SPRING1: variants seen among roughly 807,000 people sequenced by gnomAD.
SPRING1 encodes SREBP regulating gene protein.
Under a neutral mutation model 24.7 loss-of-function variants are expected in SPRING1, and 14 were observed. The observed-to-expected ratio is 0.57, with a 90% CI of 0.37 to 0.88. SPRING1 has a LOEUF of 0.88. Ranked by LOEUF, SPRING1 falls within the 40% of genes least tolerant of loss-of-function variation. SPRING1 has a pLI of 0.00. For missense variants in SPRING1, 255 were observed against 268.4 expected (o/e 0.95, Z 0.35); for synonymous variants, 93 against 106.1 (o/e 0.88, Z 0.76).
At chr12:116,737,270 C>T (rs1035394842) in intron 1 of SPRING1, among the ~76,000 whole-genome samples, 1 of 151,952 alleles carries the variant, frequency 6.6e-6, no homozygotes, top group Admixed American at 6.6e-5. Context: ...GCCCCGGCGG[C>T]GCCGCTGCAG....
chr12:116,717,619 G>A lies in SPRING1; in HGVS notation c.*191C>T. The A allele has an allele frequency of 1.9e-6, 1 of 527,838 alleles. No individual in the cohort carries two copies. Among genetic ancestry groups the A allele is most frequent in the East Asian group, 3.3e-5 (1 of 30,068 alleles). 32.7% of individuals were successfully genotyped at this position (527,838 alleles called of 1,614,324 possible). A position where few individuals can be genotyped will look rare whatever the true frequency, so the allele number is the denominator to read the frequency against. ...AGGGGCCAAGCTGCTTTACAGAAGA[G>A]TTCCATCTGGTAAGCCCGGGTGGTG... is the stretch of plus-strand genomic sequence containing the variant. On this transcript the variant is annotated 3_prime_UTR_variant, in exon 5 of 5. Coordinates refer to ENST00000261318, the MANE Select transcript of SPRING1 (RefSeq NM_024738.4). This position sits in a 1 kb window ranked among gnomAD's most constrained non-coding sequence, Gnocchi z 4.2.
chr12:116,734,118 C>G (rs1871119842), intron 1 of SPRING1, among the ~76,000 whole-genome samples: 1 of 152,192 alleles, frequency 6.6e-6, no homozygotes, highest in South Asian at 2.1e-4. Context: ...GTCAAGTGAT[C>G]TGCCTGCCTC....
chr12:116,734,427 C>T (rs1345482376), intron 1 of SPRING1, among the ~76,000 whole-genome samples: 4 of 152,078 alleles, frequency 2.6e-5, no homozygotes, highest in Non-Finnish European at 2.9e-5. Flanking sequence ...GATGATGTAT[C>T]AGGGTAGTGA....
chr12:116,714,794 C>CAAAAA lies in SPRING1; in HGVS notation c.*3011_*3015dup, dbSNP rs869130716. The CAAAAA allele has an allele frequency of 1.1e-4, 6 of 55,136 alleles. No individual in the cohort carries two copies. Among genetic ancestry groups the CAAAAA allele is most frequent in the African/African-American group, 1.6e-4 (2 of 12,832 alleles). 3.4% of individuals were successfully genotyped at this position (55,136 alleles called of 1,614,324 possible). Reference sequence around the variant, plus strand: ...TGAGCAACAGAGCAAGACTCCATCGCAAAAAAAAAAAAAAAAAAAAAAGGC... The same window carrying CAAAAA: ...TGAGCAACAGAGCAAGACTCCATCGCAAAAAAAAAAAAAAAAAAAAAAAAAAAGGC... On this transcript the variant is annotated 3_prime_UTR_variant, in exon 5 of 5. Transcript: ENST00000261318.
rs1870086652 is a variant in SPRING1, at chr12:116,715,562, CTT to C, written c.*2246_*2247del. The C allele has an allele frequency of 1.3e-5, 2 of 152,272 alleles. No homozygotes were observed. Among genetic ancestry groups the C allele is most frequent in the Non-Finnish European group, 2.9e-5 (2 of 68,070 alleles). The allele number at this position is 152,272 out of a possible 1,614,324, so 9.4% of individuals were successfully genotyped here. A position where few individuals can be genotyped will look rare whatever the true frequency, so the allele number is the denominator to read the frequency against. On this transcript the variant is annotated 3_prime_UTR_variant, in exon 5 of 5. Coordinates refer to ENST00000261318, the MANE Select transcript of SPRING1 (RefSeq NM_024738.4). ...ATATTCCACAGCCAAATGAAAATGA[CTT>C]TTGGATCCTCCACCTAATTTGGGTG...
At chr12:116,736,909 C>G (rs1004549404) in intron 1 of SPRING1, among the ~76,000 whole-genome samples, 2 of 152,174 alleles carry the variant, frequency 1.3e-5, no homozygotes, top group Non-Finnish European at 2.9e-5. Flanking sequence ...CAGGAGGACA[C>G]AGAGCCCCCA....
At chr12:116,719,706 GT>G in intron 4 of SPRING1, 56 bp downstream of exon 4, 1 of 1,443,992 alleles carries the variant, frequency 6.9e-7, no homozygotes, top group Non-Finnish European at 9.7e-7. Flanking sequence ...GTATTTTCTA[GT>G]TTCCTTCTAA....
At chr12:116,725,080 A>G (rs562171462) in intron 1 of SPRING1, among the ~76,000 whole-genome samples, 1 of 152,352 alleles carries the variant, frequency 6.6e-6, no homozygotes, top group South Asian at 2.1e-4. Flanking sequence ...GAGCTAAGAT[A>G]ATGGTATGGA....
chr12:116,737,522 AAGGAAGGAGGAGGAAGGTG>A (rs1208357530), intron 1 of SPRING1, among the ~76,000 whole-genome samples: 1 of 79,960 alleles, frequency 1.3e-5, no homozygotes, highest in Non-Finnish European at 2.7e-5. Context: ...AAGGGGGAGG[AAGGAAGGAGGAGGAAGGTG>A]AGGAAGGTAA....
rs1454915036 is a variant in SPRING1, at chr12:116,720,919, G to A, written c.269-472C>T. Reference sequence around the variant, plus strand: ...CACTCTTTACAAATATCTTTCAGATGCTCGCTGCATACTGACTAATTTGGA... The same window carrying A: ...CACTCTTTACAAATATCTTTCAGATACTCGCTGCATACTGACTAATTTGGA... On this transcript the variant is annotated intron_variant, in intron 2 of 4. Coordinates refer to ENST00000261318, the MANE Select transcript of SPRING1 (RefSeq NM_024738.4). This position sits in a 1 kb window ranked among gnomAD's most constrained non-coding sequence, Gnocchi z 4.0. Among the ~76,000 whole-genome samples, 4 of 152,202 alleles carry A rather than the reference G, an allele frequency of 2.6e-5. No homozygotes were observed.
At chr12:116,724,630 T>C (rs896266672) in intron 1 of SPRING1, among the ~76,000 whole-genome samples, 3 of 151,312 alleles carry the variant, frequency 2.0e-5, no homozygotes, top group African/African-American at 7.3e-5. Context: ...TGAGCCGAGA[T>C]CACACCACTG....
At position 116,732,667 on chromosome 12, in the gene SPRING1, A is replaced by G. The variant is rs1400542521; in HGVS notation, c.111+5123T>C. 3.9e-5 allele frequency among the ~76,000 whole-genome samples: 6 copies of G among 152,382 alleles called. No individual in the cohort carries two copies. The East Asian group carries it at 9.6e-4, about 24-fold the overall frequency. On this transcript the variant is annotated intron_variant, in intron 1 of 4. Coordinates refer to ENST00000261318, the MANE Select transcript of SPRING1 (RefSeq NM_024738.4). Reference sequence around the variant, plus strand: ...GGTTGCAGTGACCTGAGATTGCATCACTGCACTCCAGCCTGGGTGACAGAG... The same window carrying G: ...GGTTGCAGTGACCTGAGATTGCATCGCTGCACTCCAGCCTGGGTGACAGAG...
At chr12:116,730,456 A>G (rs1477864418) in intron 1 of SPRING1, among the ~76,000 whole-genome samples, 3 of 149,886 alleles carry the variant, frequency 2.0e-5, no homozygotes, top group African/African-American at 7.4e-5. Context: ...CACCCATCTC[A>G]GCCTCCCAAA....
intron 1 of SPRING1, among the ~76,000 whole-genome samples, chr12:116,737,002 C>G (rs1400251084): frequency 6.6e-6 from 1 of 152,206 alleles, no homozygotes; most frequent in Non-Finnish European, 1.5e-5. Flanking sequence ...TACTGGGAAC[C>G]CCACTTCTCC....
In SPRING1 at chr12:116,715,645, G is replaced by C. The variant is rs900413508; in HGVS notation, c.*2165C>G. ...GACAATTGAAATATATCTGCTCTCAGGGGAGACGCCCACGGTGTCAGGGCT... is the reference window on the plus strand; with the variant it reads ...GACAATTGAAATATATCTGCTCTCACGGGAGACGCCCACGGTGTCAGGGCT... On this transcript the variant is annotated 3_prime_UTR_variant, in exon 5 of 5. Transcript: ENST00000261318. 2 of 152,066 alleles carry C rather than the reference G, an allele frequency of 1.3e-5. No homozygotes were observed. The highest frequency in any genetic ancestry group is 4.8e-5 in the African/African-American group (2 of 41,310). The allele number at this position is 152,066 out of a possible 1,614,324, so 9.4% of individuals were successfully genotyped here. A position where few individuals can be genotyped will look rare whatever the true frequency, so the allele number is the denominator to read the frequency against.
intron 1 of SPRING1, among the ~76,000 whole-genome samples, chr12:116,725,343 G>A (rs1870630536): frequency 6.6e-6 from 1 of 152,092 alleles, no homozygotes; most frequent in Non-Finnish European, 1.5e-5. Flanking sequence ...GTTACCAGGT[G>A]GAAAAACAGT....
At position 116,738,011 on chromosome 12, in the gene SPRING1, G is replaced by T. The variant is rs910633237; in HGVS notation, c.-111C>A. 25 of 1,122,746 alleles carry T rather than the reference G, an allele frequency of 2.2e-5. No individual in the cohort carries two copies. In the East Asian group the frequency reaches 7.6e-4, roughly 34 times the overall value. The allele number at this position is 1,122,746 out of a possible 1,614,324, so 69.5% of individuals were successfully genotyped here. On this transcript the variant is annotated 5_prime_UTR_variant, in exon 1 of 5. Transcript: ENST00000261318. ...AGCCCCATCCCTCCAGGCAGGCGCCGGCCCCGCCGCCCGCAGCCCAGTCTG... is the reference window on the plus strand; with the variant it reads ...AGCCCCATCCCTCCAGGCAGGCGCCTGCCCCGCCGCCCGCAGCCCAGTCTG...
chr12:116,725,615 A>G (rs1010277456), intron 1 of SPRING1, among the ~76,000 whole-genome samples: 244 of 152,296 alleles, frequency 1.6e-3, no homozygotes, highest in Non-Finnish European at 2.8e-3. Flanking sequence ...GCCGGGCGCC[A>G]TGGCTCACAC....
intron 1 of SPRING1, among the ~76,000 whole-genome samples, chr12:116,724,467 G>C (rs1870588222): frequency 6.6e-6 from 1 of 152,186 alleles, no homozygotes; most frequent in South Asian, 2.1e-4. Flanking sequence ...TGTAATCCCA[G>C]CACTTTGGGG....
Sources: gnomAD v4.1 joint callset for allele counts (sites outside exome capture counted in the v4.1 genomes callset) on GRCh38, gnomAD v4.1.1 for gene constraint, Gnocchi (gnomAD v3.1) non-coding constraint, MANE v1.5 for transcripts, NCBI Gene and HGNC (gene_info 2026-07-23, HGNC 2026-07-21) for gene names.